RGS6: variants seen among roughly 807,000 people sequenced by gnomAD.
RGS6 encodes regulator of G-protein signaling 6.
In RGS6, 30 loss-of-function variants were observed where a neutral mutation model predicts 78.5. The observed-to-expected ratio is 0.38, with a 90% CI of 0.29 to 0.52. RGS6 has a LOEUF of 0.52. Among genes scored for constraint, RGS6 ranks in the 20% least tolerant of loss-of-function variants. The probability of loss-of-function intolerance (pLI) is 0.85; values close to 1 mark genes in which losing one functional copy is unlikely to be tolerated. For synonymous variants in RGS6, 206 were observed against 206.0 expected, an observed-to-expected ratio of 1.00 and a Z score of 0.00; for missense variants, 495 against 609.7, an observed-to-expected ratio of 0.81 and a Z score of 1.98.
intron 2 of RGS6, among the ~76,000 whole-genome samples, chr14:72,040,323 T>A (rs564359044): frequency 1.2e-4 from 19 of 152,280 alleles, no homozygotes; most frequent in Admixed American, 1.3e-4. Context: ...CTAGTGGGGA[T>A]GAACTCTCCC....
chr14:72,628,165 A>G, the RGS6 span, among the ~76,000 whole-genome samples: 1 of 152,124 alleles, frequency 6.6e-6, no homozygotes, highest in Non-Finnish European at 1.5e-5. Context: ...AGTTATAGAG[A>G]TAGTGAGCAT....
chr14:72,615,307 G>A, the RGS6 span, among the ~76,000 whole-genome samples: 1 of 152,130 alleles, frequency 6.6e-6, no homozygotes, highest in South Asian at 2.1e-4. Context: ...TGAGTCCTGA[G>A]GCCTGAGGTT....
At chr14:71,941,806 A>G (rs75906312) in intron 1 of RGS6, among the ~76,000 whole-genome samples, 9,505 of 152,258 alleles carry the variant, frequency 0.062, 438 homozygotes, top group Non-Finnish European at 0.1. Flanking sequence ...CAACACCCAC[A>G]CAGACACACC....
chr14:72,294,762 C>CT (rs1567685124), intron 2 of RGS6, among the ~76,000 whole-genome samples: 1 of 151,974 alleles, frequency 6.6e-6, no homozygotes, highest in Non-Finnish European at 1.5e-5. Flanking sequence ...CGTGAGAACT[C>CT]TATCATGAGA....
At chr14:72,356,078 T>C (rs1248857836) in intron 3 of RGS6, among the ~76,000 whole-genome samples, 2 of 152,110 alleles carry the variant, frequency 1.3e-5, no homozygotes, top group African/African-American at 4.8e-5. Context: ...CCCTGGGGGA[T>C]TGAGGGGTTA....
At chr14:72,093,822 C>T (rs2023494) in intron 2 of RGS6, among the ~76,000 whole-genome samples, 98,491 of 151,760 alleles carry the variant, frequency 0.65, 32,379 homozygotes, top group Middle Eastern at 0.72. Flanking sequence ...TTTGGGGTTT[C>T]AAATTTTATC....
chr14:72,325,729 T>C (rs1029154989), intron 2 of RGS6, among the ~76,000 whole-genome samples: 1 of 152,026 alleles, frequency 6.6e-6, no homozygotes, highest in African/African-American at 2.4e-5. Context: ...GGGCAAATAA[T>C]ATAAATAGGT....
At chr14:72,022,514 G>A (rs1431656174) in intron 2 of RGS6, 2 of 152,334 alleles carry the variant, frequency 1.3e-5, no homozygotes, top group Non-Finnish European at 2.9e-5. Flanking sequence ...CTTTGGACCA[G>A]TTGCTATTAC....
intron 2 of RGS6, among the ~76,000 whole-genome samples, chr14:72,172,233 A>G (rs1423913675): frequency 1.3e-5 from 2 of 151,566 alleles, no homozygotes; most frequent in African/African-American, 4.9e-5. Context: ...TTAGATTTCC[A>G]TAGAACCTCA....
At chr14:72,246,842 C>A (rs1184723564) in intron 2 of RGS6, among the ~76,000 whole-genome samples, 1 of 151,288 alleles carries the variant, frequency 6.6e-6, no homozygotes, top group Admixed American at 6.6e-5. Context: ...AGAGGTGGAG[C>A]TTGCAGTGAG....
At chr14:72,598,489 T>C in the RGS6 span, among the ~76,000 whole-genome samples, 1 of 152,212 alleles carries the variant, frequency 6.6e-6, no homozygotes, top group Admixed American at 6.5e-5. Flanking sequence ...TCCATTTGCA[T>C]ATATGCAAAC....
At chr14:71,908,380 T>C in the RGS6 span, 1 of 152,228 alleles carries the variant, frequency 6.6e-6, no homozygotes, top group Non-Finnish European at 1.5e-5. Flanking sequence ...GAGTTTTCCA[T>C]TGTTTTGAAG....
the RGS6 span, among the ~76,000 whole-genome samples, chr14:72,596,546 T>G: frequency 4.4e-3 from 671 of 152,196 alleles, 9 homozygotes; most frequent in African/African-American, 0.016. Flanking sequence ...AGACAGGAGG[T>G]ACTGAAAGCC....
chr14:72,075,071 A>C (rs1027933730), intron 2 of RGS6, among the ~76,000 whole-genome samples: 2 of 152,228 alleles, frequency 1.3e-5, no homozygotes, highest in African/African-American at 4.8e-5. Flanking sequence ...CATGTTCTCT[A>C]AGCCTTTGCC....
intron 2 of RGS6, among the ~76,000 whole-genome samples, chr14:72,329,964 T>G (rs1215582337): frequency 6.6e-6 from 1 of 152,254 alleles, no homozygotes; most frequent in Admixed American, 6.5e-5. Flanking sequence ...TGCCAAACTT[T>G]CAAGTAGAGT....
At chr14:72,401,159 C>T (rs1245033908) in intron 3 of RGS6, among the ~76,000 whole-genome samples, 1 of 152,124 alleles carries the variant, frequency 6.6e-6, no homozygotes, top group Non-Finnish European at 1.5e-5. Context: ...AAGTCTACCT[C>T]CTTAAAATAC....
At chr14:72,483,730 G>C (rs72726152) in intron 12 of RGS6, among the ~76,000 whole-genome samples, 33 of 151,768 alleles carry the variant, frequency 2.2e-4, no homozygotes, top group Non-Finnish European at 1.2e-4. Context: ...AAAAAAGACC[G>C]GAGGTATCAT....
At chr14:71,994,247 C>G (rs544606729) in intron 2 of RGS6, among the ~76,000 whole-genome samples, 1 of 152,002 alleles carries the variant, frequency 6.6e-6, no homozygotes, top group Non-Finnish European at 1.5e-5. Flanking sequence ...GGGCCTCCCT[C>G]AATACCAAGG....
At chr14:71,974,271 G>T (rs2093987924) in intron 2 of RGS6, among the ~76,000 whole-genome samples, 1 of 152,146 alleles carries the variant, frequency 6.6e-6, no homozygotes, top group Non-Finnish European at 1.5e-5. Context: ...AGGATAGAAG[G>T]ATTACTTTTA....
Sources: gnomAD v4.1 joint callset for allele counts (sites outside exome capture counted in the v4.1 genomes callset) on GRCh38, gnomAD v4.1.1 for gene constraint, MANE v1.5 for transcripts, NCBI Gene and HGNC (gene_info 2026-07-23, HGNC 2026-07-21) for gene names.